CTNNAL1: variants seen among roughly 807,000 people sequenced by gnomAD.
CTNNAL1 encodes the protein alpha-catulin.
In CTNNAL1, 69 loss-of-function variants were observed where a neutral mutation model predicts 93.6. The observed-to-expected ratio is 0.74, with a 90% CI of 0.61 to 0.90. The LOEUF is 0.90. Ranked by LOEUF, CTNNAL1 falls within the 40% of genes least tolerant of loss-of-function variation. The pLI, the probability that CTNNAL1 is intolerant of heterozygous loss-of-function variation, is 0.00. For synonymous variants in CTNNAL1, 286 were observed against 305.4 expected (o/e 0.94, Z 0.66); for missense variants, 836 against 862.0 (o/e 0.97, Z 0.38).
At chr9:109,005,181 G>A (rs1826978256) in intron 1 of CTNNAL1, among the ~76,000 whole-genome samples, 1 of 151,960 alleles carries the variant, frequency 6.6e-6, no homozygotes, top group Non-Finnish European at 1.5e-5. Context: ...CATGCTGCTG[G>A]GAAGCACAGA....
At chr9:108,943,673 G>T (rs1830313101) in intron 17 of CTNNAL1, 30 bp downstream of exon 17, 1 of 1,572,222 alleles carries the variant, frequency 6.4e-7, no homozygotes, top group Non-Finnish European at 8.7e-7. Context: ...AAAGATAGAT[G>T]TGTGAAAGTT....
rs999468716 is a variant in CTNNAL1, at chr9:108,942,726, G to C, written c.*43C>G. The C allele has an allele frequency of 3.3e-6, 4 of 1,203,134 alleles. No homozygotes were observed. Among genetic ancestry groups the C allele is most frequent in the African/African-American group, 3.1e-5 (2 of 65,398 alleles). 74.5% of individuals were successfully genotyped at this position (1,203,134 alleles called of 1,614,324 possible). A position where few individuals can be genotyped will look rare whatever the true frequency, so the allele number is the denominator to read the frequency against. ...GATCATTTGATTTTTAAAAATGTCAGCTTCATCACATGATGTTCCAGAGAT... is the reference window on the plus strand; with the variant it reads ...GATCATTTGATTTTTAAAAATGTCACCTTCATCACATGATGTTCCAGAGAT... On this transcript the variant is annotated 3_prime_UTR_variant, in exon 19 of 19. Transcript: ENST00000325551.
rs549857100 is a variant in CTNNAL1, at chr9:109,001,852, T to A, written c.142-2596A>T. On this transcript the variant is annotated intron_variant, in intron 1 of 18. Coordinates refer to ENST00000325551, the MANE Select transcript of CTNNAL1 (RefSeq NM_003798.4). ...CTCTAGAATTAACCCACAGAAACCA[T>A]AAGATAATGTTTGTTGTTTTAATGC... Among the ~76,000 whole-genome samples the A allele has an allele frequency of 1.3e-4, 20 of 152,298 alleles. No individual in the cohort carries two copies. In the South Asian group the frequency reaches 4.1e-3, roughly 32 times the overall value.
At chr9:108,988,194 G>C (rs1293176942) in intron 4 of CTNNAL1, among the ~76,000 whole-genome samples, 2 of 152,050 alleles carry the variant, frequency 1.3e-5, no homozygotes, top group Non-Finnish European at 2.9e-5. Context: ...AGTAATTCTT[G>C]TGCCTCAGCC....
intron 15 of CTNNAL1, among the ~76,000 whole-genome samples, chr9:108,946,072 G>C (rs1053332013): frequency 3.3e-5 from 5 of 151,898 alleles, no homozygotes; most frequent in African/African-American, 1.2e-4. Context: ...AGGCTGAGGC[G>C]GGCGAATCAC....
chr9:108,977,501 C>G (rs1316348718), intron 7 of CTNNAL1: 3 of 152,014 alleles, frequency 2.0e-5, no homozygotes, highest in Admixed American at 6.6e-5. Flanking sequence ...TAAATCAGAC[C>G]CTCTTCTTAC....
At position 108,943,015 on chromosome 9, in the gene CTNNAL1, G is replaced by A; in HGVS notation, c.2085C>T (p.Ser695=). 3 of 1,612,554 alleles carry A rather than the reference G, an allele frequency of 1.9e-6. No homozygotes were observed. The highest frequency in any genetic ancestry group is 2.5e-6 in the Non-Finnish European group (3 of 1,179,690). Residue 695 remains serine (S), a synonymous_variant, in exon 18 of 19, where the codon TCC becomes TCT. Coordinates refer to ENST00000325551, the MANE Select transcript of CTNNAL1 (RefSeq NM_003798.4). The stretch of plus-strand genomic sequence containing the variant: ...GAAGTTGGACTAAGAGAGCCATCAT[G>A]GATCTTGTCTTCGTAATACACTTGT... ...KVDKCITKTR[S]MMALLVQLLS... is the part of the protein sequence containing the mutation.
At chr9:108,998,500 A>G (rs1832106732) in intron 2 of CTNNAL1, among the ~76,000 whole-genome samples, 1 of 151,974 alleles carries the variant, frequency 6.6e-6, no homozygotes, top group Non-Finnish European at 1.5e-5. Flanking sequence ...TTTTGGACTG[A>G]TTTGTCCATG....
At chr9:108,984,717 A>G (rs1831549553) in intron 4 of CTNNAL1, among the ~76,000 whole-genome samples, 1 of 152,212 alleles carries the variant, frequency 6.6e-6, no homozygotes, top group Non-Finnish European at 1.5e-5. Context: ...GTGTTCTGTC[A>G]TACCTGACAT....
chr9:108,947,800 T>A (rs1331995980), intron 15 of CTNNAL1, among the ~76,000 whole-genome samples: 1 of 152,230 alleles, frequency 6.6e-6, no homozygotes, highest in East Asian at 1.9e-4. Flanking sequence ...CTCTCATGTG[T>A]TATCTCATTT....
In CTNNAL1 at chr9:108,992,536, G is replaced by A. The variant is rs1024537499; in HGVS notation, c.519+96C>T. 1.3e-5 allele frequency: 19 copies of A among 1,412,564 alleles called. No homozygotes were observed. The South Asian group carries it at 1.7e-4, about 12-fold the overall frequency. The allele number at this position is 1,412,564 out of a possible 1,614,324, so 87.5% of individuals were successfully genotyped here. A position where few individuals can be genotyped will look rare whatever the true frequency, so the allele number is the denominator to read the frequency against. ...CCCACAGCTAGCTGCATTCTTCATC[G>A]ACACACAAGCCAAGCAATCCACCAC... On this transcript the variant is annotated intron_variant, in intron 3 of 18. Transcript: ENST00000325551.
intron 15 of CTNNAL1, among the ~76,000 whole-genome samples, chr9:108,945,647 TG>T (rs1830381990): frequency 4.7e-5 from 7 of 148,644 alleles, no homozygotes; most frequent in East Asian, 2.0e-4. Flanking sequence ...TTTTTTGTTT[TG>T]TTTTTTTGTA....
chr9:109,003,058 T>C (rs763418765), intron 1 of CTNNAL1, among the ~76,000 whole-genome samples: 9 of 151,666 alleles, frequency 5.9e-5, no homozygotes, highest in Non-Finnish European at 1.0e-4. Flanking sequence ...CAGGCAAAAA[T>C]AAAATCTAGG....
chr9:108,972,865 A>ACCCG, intron 8 of CTNNAL1, 32 bp from the exon 9 acceptor site: 24 of 219,242 alleles, frequency 1.1e-4, no homozygotes, highest in East Asian at 1.4e-4. Flanking sequence ...GGGGGGTGGG[A>ACCCG]GGGTGGAGAA....
rs369219869 is a variant in CTNNAL1 at position 108,990,742 on chromosome 9, C to T, written c.623G>A (p.Ser208Asn). Residue 208 changes from serine (S) to asparagine (N), a missense_variant, in exon 4 of 19, where the codon AGT (serine) becomes AAT (asparagine). Coordinates refer to ENST00000325551, the MANE Select transcript of CTNNAL1 (RefSeq NM_003798.4). ...GNEMVEFAHL[S>N]GDRQNDLKDE... The stretch of plus-strand genomic sequence containing the variant: ...AATACATACATTTTGTCTATCTCCA[C>T]TCAGATGTGCAAACTCCACCATTTC... 2.5e-6 allele frequency: 4 copies of T among 1,612,940 alleles called. No homozygotes were observed. In the African/African-American group the frequency reaches 5.3e-5, roughly 22 times the overall value.
At chr9:108,970,912 C>T (rs1241265091) in intron 9 of CTNNAL1, among the ~76,000 whole-genome samples, 1 of 152,136 alleles carries the variant, frequency 6.6e-6, no homozygotes, top group Non-Finnish European at 1.5e-5. Context: ...GTTCTATCAA[C>T]ACTGTCTTCC....
rs1462135283 is a variant in CTNNAL1 at position 109,013,386 on chromosome 9, G to A, written c.57C>T (p.Ser19=). Residue 19 remains serine (S), a synonymous_variant, in exon 1 of 19, where the codon TCC becomes TCT. Coordinates refer to ENST00000325551, the MANE Select transcript of CTNNAL1 (RefSeq NM_003798.4). Reference sequence around the variant, plus strand: ...AGTCGAGGGCGAAGCCCGAAGAGCCGGAGCCGTAGACTGCTCCGGCGCCGC... The same window carrying A: ...AGTCGAGGGCGAAGCCCGAAGAGCCAGAGCCGTAGACTGCTCCGGCGCCGC... ...GVGGAGAVYG[S]GSSGFALDSG... 4 of 1,512,240 alleles carry A rather than the reference G, an allele frequency of 2.6e-6. No individual in the cohort carries two copies. The highest frequency in any genetic ancestry group is 1.5e-5 in the African/African-American group (1 of 68,936). The allele number at this position is 1,512,240 out of a possible 1,614,324, so 93.7% of individuals were successfully genotyped here.
intron 1 of CTNNAL1, among the ~76,000 whole-genome samples, chr9:109,005,491 T>G (rs1314884908): frequency 6.6e-6 from 1 of 152,078 alleles, no homozygotes; most frequent in African/African-American, 2.4e-5. Flanking sequence ...GGAGCTCTCA[T>G]GAATGGGATT....
chr9:108,983,159 T>G lies in CTNNAL1; in HGVS notation c.886A>C (p.Ile296Leu). 6.5e-7 allele frequency: 1 copy of G among 1,532,844 alleles called. No homozygotes were observed. Among genetic ancestry groups the G allele is most frequent in the Non-Finnish European group, 8.8e-7 (1 of 1,142,542 alleles). The allele number at this position is 1,532,844 out of a possible 1,614,324, so 95.0% of individuals were successfully genotyped here. ...DISSISIFTG[I>L]KEFKMNIEAL... ...TTTATTCTTACCTTGAATTCCTTAA[T>G]TCCAGTAAAAATACTGATAGATGAA... is the stretch of plus-strand genomic sequence containing the variant. Residue 296 changes from isoleucine to leucine, a missense_variant, in exon 6 of 19, where the codon ATT becomes CTT. Transcript: ENST00000325551.
Sources: allele counts gnomAD v4.1 joint callset (sites outside exome capture counted in the v4.1 genomes callset), GRCh38; gene constraint gnomAD v4.1.1; transcripts MANE v1.5; gene names NCBI Gene and HGNC (gene_info 2026-07-23, HGNC 2026-07-21).